The following MCC variants were observed in gnomAD, a reference collection of about 807,000 sequenced individuals.
The protein encoded by MCC is colorectal mutant cancer protein.
MCC carries 90 observed loss-of-function variants against 116.2 expected under a neutral mutation model. The ratio of observed to expected loss-of-function variants is 0.77; its 90% CI spans 0.65 to 0.92. The LOEUF (loss-of-function observed/expected upper bound fraction) is 0.92, where lower values mean the gene tolerates loss of function less well. Among genes scored for constraint, MCC ranks in the 40% least tolerant of loss-of-function variants. MCC has a pLI of 0.00. For synonymous variants in MCC, 578 were observed against 510.5 expected (o/e 1.13, Z -1.78); for missense variants, 1,516 against 1,312.2 (o/e 1.16, Z -2.40).
At position 113,333,836 on chromosome 5, in the gene MCC, T is replaced by TATATATACATATATATGTACATATGTAC. The variant is rs1767776885; in HGVS notation, c.627+6682_627+6683insGTACATATGTACATATATATGTATATAT. Among the ~76,000 whole-genome samples, 52 of 59,296 alleles carry TATATATACATATATATGTACATATGTAC rather than the reference T, an allele frequency of 8.8e-4. 8 individuals carry two copies. Among genetic ancestry groups the TATATATACATATATATGTACATATGTAC allele is most frequent in the African/African-American group, 4.3e-3 (41 of 9,556 alleles). 38.9% of individuals were successfully genotyped at this position (59,296 alleles called of 152,430 possible). A position where few individuals can be genotyped will look rare whatever the true frequency, so the allele number is the denominator to read the frequency against. On this transcript the variant is annotated intron_variant, in intron 3 of 18. Transcript: ENST00000408903. Reference sequence around the variant, plus strand: ...ATATATGTACATATATGTATATATGTATATATGTATATATGTACATATATG... The same window carrying TATATATACATATATATGTACATATGTAC: ...ATATATGTACATATATGTATATATGTATATATACATATATATGTACATATGTACATATATGTATATATGTACATATATG...
At chr5:113,151,459 G>T in intron 3 of MCC, 37 bp from the exon 4 acceptor site, 1 of 1,163,648 alleles carries the variant, frequency 8.6e-7, no homozygotes, top group Non-Finnish European at 1.3e-6. Context: ...GAGTATTGTA[G>T]CAGAGATGTA....
intron 6 of MCC, among the ~76,000 whole-genome samples, chr5:113,119,727 G>A (rs1296547700): frequency 6.6e-6 from 1 of 152,168 alleles, no homozygotes; most frequent in Non-Finnish European, 1.5e-5. Context: ...TCTATGTGTG[G>A]GCAGAGAACA....
At chr5:113,122,594 A>T in intron 6 of MCC, 90 bp downstream of exon 6, 1 of 1,490,428 alleles carries the variant, frequency 6.7e-7, no homozygotes, top group Non-Finnish European at 9.1e-7. Context: ...GAAAAATTAA[A>T]TTTTAATTCA....
intron 3 of MCC, among the ~76,000 whole-genome samples, chr5:113,281,048 C>G (rs1418412319): frequency 6.6e-6 from 1 of 152,228 alleles, no homozygotes; most frequent in Non-Finnish European, 1.5e-5. Flanking sequence ...CAGGAATATT[C>G]TACCACTTCC....
rs562062337 is a variant in MCC, at chr5:113,187,706, G to C, written c.628-36284C>G. 2.0e-3 allele frequency among the ~76,000 whole-genome samples: 295 copies of C among 147,190 alleles called. 1 individual carries two copies. The highest frequency in any genetic ancestry group is 7.1e-3 in the African/African-American group (281 of 39,468). The stretch of plus-strand genomic sequence containing the variant: ...GGAGGCGGAGCTTGCAGTGAGCCCA[G>C]ATCGCGCCACTGCACTCCGGCCTGG... On this transcript the variant is annotated intron_variant, in intron 3 of 18. Coordinates refer to ENST00000408903, the MANE Select transcript of MCC (RefSeq NM_001085377.2).
intron 16 of MCC, chr5:113,044,526 G>A: frequency 1.0e-6 from 1 of 972,622 alleles, no homozygotes. Context: ...GCAGACCTGA[G>A]AATAAAAAGC....
intron 5 of MCC, 72 bp from the exon 6 acceptor site, chr5:113,122,898 A>T: frequency 6.7e-7 from 1 of 1,487,852 alleles, no homozygotes; most frequent in Non-Finnish European, 9.3e-7. Flanking sequence ...ATGTCTTTTA[A>T]GGACAAGAAA....
chr5:113,479,017 T>C (rs376033282), intron 1 of MCC, among the ~76,000 whole-genome samples: 115 of 152,340 alleles, frequency 7.5e-4, no homozygotes, highest in African/African-American at 2.6e-3. Context: ...TGGTTTCACT[T>C]GTATGTGAAT....
At chr5:113,220,971 G>C (rs1763530515) in intron 3 of MCC, among the ~76,000 whole-genome samples, 1 of 152,210 alleles carries the variant, frequency 6.6e-6, no homozygotes, top group African/African-American at 2.4e-5. Flanking sequence ...TGGAGAGCAA[G>C]GCGTGTGGAT....
chr5:113,449,259 C>T lies in MCC; in HGVS notation c.170+38986G>A, dbSNP rs111936598. On this transcript the variant is annotated intron_variant, in intron 1 of 18. Transcript: ENST00000408903. ...AATTCAGAAAGCTGGAGAACAGAAC[C>T]TATGAGGAAAGCTAAAATAAACAAA... Among the ~76,000 whole-genome samples the T allele has an allele frequency of 2.1e-3, 317 of 152,246 alleles. 6 individuals are homozygous for T. The highest frequency in any genetic ancestry group is 6.9e-3 in the African/African-American group (287 of 41,542).
At chr5:113,395,228 A>G (rs2150396719) in intron 1 of MCC, among the ~76,000 whole-genome samples, 1 of 152,320 alleles carries the variant, frequency 6.6e-6, no homozygotes, top group East Asian at 1.9e-4. Context: ...CTTTAATGCC[A>G]TTTCTCCTGT....
At chr5:113,247,576 G>A (rs951541102) in intron 3 of MCC, among the ~76,000 whole-genome samples, 1 of 152,154 alleles carries the variant, frequency 6.6e-6, no homozygotes, top group African/African-American at 2.4e-5. Flanking sequence ...GCGTCTTAAG[G>A]ATCACTCTGG....
At chr5:113,414,071 G>C (rs911062931) in intron 1 of MCC, among the ~76,000 whole-genome samples, 2 of 152,194 alleles carry the variant, frequency 1.3e-5, no homozygotes, top group African/African-American at 4.8e-5. Flanking sequence ...TTTCCATGTA[G>C]TTGTGCGGTT....
At chr5:113,418,876 C>G (rs1330826987) in intron 1 of MCC, among the ~76,000 whole-genome samples, 1 of 152,174 alleles carries the variant, frequency 6.6e-6, no homozygotes, top group Admixed American at 6.5e-5. Context: ...CATGCTGCAT[C>G]AAGCAGCACC....
In MCC at chr5:113,269,338, A is replaced by C. The variant is rs143124892; in HGVS notation, c.627+71181T>G. The stretch of plus-strand genomic sequence containing the variant: ...CTTTTTCAATGATACCTTAACTGAT[A>C]AAGAATGCTTATGTGGCTAAATTCC... On this transcript the variant is annotated intron_variant, in intron 3 of 18. Coordinates refer to ENST00000408903, the MANE Select transcript of MCC (RefSeq NM_001085377.2). The C allele has an allele frequency of 2.3e-5, 8 of 343,010 alleles. No individual in the cohort carries two copies. In the East Asian group the frequency reaches 6.7e-4, roughly 29 times the overall value. The allele number at this position is 343,010 out of a possible 1,614,324, so 21.2% of individuals were successfully genotyped here. A position where few individuals can be genotyped will look rare whatever the true frequency, so the allele number is the denominator to read the frequency against.
At chr5:113,378,429 T>A (rs1769035787) in intron 2 of MCC, among the ~76,000 whole-genome samples, 1 of 152,158 alleles carries the variant, frequency 6.6e-6, no homozygotes, top group African/African-American at 2.4e-5. Flanking sequence ...TTTGGAGATA[T>A]AGGTTATTGG....
chr5:113,150,241 A>G (rs1021010594), intron 4 of MCC, among the ~76,000 whole-genome samples: 2 of 152,376 alleles, frequency 1.3e-5, no homozygotes, highest in Admixed American at 6.5e-5. Flanking sequence ...ACAGAAGGCT[A>G]GGTTCTAAAC....
chr5:113,051,036 C>T (rs1010685364), intron 15 of MCC, among the ~76,000 whole-genome samples: 3 of 152,186 alleles, frequency 2.0e-5, no homozygotes, highest in African/African-American at 7.2e-5. Flanking sequence ...AATCTCTTTC[C>T]AGGAATTAAA....
intron 5 of MCC, among the ~76,000 whole-genome samples, chr5:113,132,183 A>C (rs1254714538): frequency 6.6e-6 from 1 of 151,576 alleles, no homozygotes; most frequent in Non-Finnish European, 1.5e-5. Context: ...AATTTCCTTA[A>C]AATTTTAAAC....
Sources: gnomAD v4.1 joint callset for allele counts (sites outside exome capture counted in the v4.1 genomes callset) on GRCh38, gnomAD v4.1.1 for gene constraint, MANE v1.5 for transcripts, NCBI Gene and HGNC (gene_info 2026-07-23, HGNC 2026-07-21) for gene names.